SLC41A2: variants seen among roughly 807,000 people sequenced by gnomAD.
SLC41A2 encodes the protein SLC41A1-like 1.
A neutral mutation model predicts 58.3 loss-of-function variants in SLC41A2; 32 were observed. The ratio of observed to expected loss-of-function variants is 0.55; its 90% CI spans 0.41 to 0.74. SLC41A2 has a LOEUF of 0.74. SLC41A2 is among the 30% of genes least tolerant of loss of function. SLC41A2 has a pLI of 0.00. For missense variants in SLC41A2, 514 were observed against 680.6 expected, an observed-to-expected ratio of 0.76 and a Z score of 2.72; for synonymous variants, 190 against 235.0, an observed-to-expected ratio of 0.81 and a Z score of 1.75.
At chr12:104,955,115 AAGCAATTCTCCTGCCTC>A (rs1262794679) in intron 1 of SLC41A2, among the ~76,000 whole-genome samples, 1 of 146,292 alleles carries the variant, frequency 6.8e-6, no homozygotes, top group Non-Finnish European at 1.5e-5. Flanking sequence ...TCCTGGGTTC[AAGCAATTCTCCTGCCTC>A]AGCCTTCTGA....
chr12:104,854,568 A>AAT (rs1555202609), intron 8 of SLC41A2, among the ~76,000 whole-genome samples: 1 of 92,838 alleles, frequency 1.1e-5, no homozygotes, highest in African/African-American at 3.7e-5. Context: ...GTCTCAAAAA[A>AAT]ACAAAAAAAA....
intron 1 of SLC41A2, among the ~76,000 whole-genome samples, chr12:104,934,065 T>TAA (rs11336098): frequency 1.9e-4 from 28 of 145,868 alleles, no homozygotes; most frequent in Non-Finnish European, 3.9e-4. Flanking sequence ...ATAAAGCTAC[T>TAA]AAAAAAAAAA....
At chr12:104,847,640 C>A (rs1441808726) in intron 8 of SLC41A2, among the ~76,000 whole-genome samples, 2 of 140,770 alleles carry the variant, frequency 1.4e-5, no homozygotes, top group Non-Finnish European at 1.5e-5. Context: ...CCTCAAAATA[C>A]ATCAAGAAGC....
rs1565879340 is a variant in SLC41A2 at position 104,892,302 on chromosome 12, A to AT, written c.735+2971_735+2972insA. ...CAGAACAAGACCTCATCTCAAAAAA[A>AT]AAATAAAATAAAATAAAATAAAATA... On this transcript the variant is annotated intron_variant, in intron 4 of 10. Transcript: ENST00000258538. 3.8e-4 allele frequency among the ~76,000 whole-genome samples: 43 copies of AT among 113,924 alleles called. 2 individuals carry two copies. Among genetic ancestry groups the AT allele is most frequent in the African/African-American group, 1.3e-3 (34 of 25,618 alleles). 74.7% of individuals were successfully genotyped at this position (113,924 alleles called of 152,430 possible).
chr12:104,944,870 T>TA (rs60609201), intron 1 of SLC41A2, among the ~76,000 whole-genome samples: 9,816 of 136,040 alleles, frequency 0.072, 669 homozygotes, highest in African/African-American at 0.18. Context: ...GTATTCAATG[T>TA]AAAAAAAAAA....
intron 4 of SLC41A2, 105 bp from the exon 5 acceptor site, chr12:104,889,282 T>C: frequency 8.6e-7 from 1 of 1,161,064 alleles, no homozygotes; most frequent in Non-Finnish European, 1.2e-6. Context: ...AAGTATTGCA[T>C]GTAATAATTG....
intron 4 of SLC41A2, among the ~76,000 whole-genome samples, chr12:104,892,912 T>G (rs999299979): frequency 3.9e-5 from 6 of 152,062 alleles, no homozygotes; most frequent in Non-Finnish European, 7.4e-5. Context: ...ACAAAAACAT[T>G]AGGGGCACTC....
intron 7 of SLC41A2, among the ~76,000 whole-genome samples, chr12:104,865,750 T>C (rs990772236): frequency 2.0e-5 from 3 of 152,202 alleles, no homozygotes; most frequent in African/African-American, 7.2e-5. Context: ...AGGAAATTCA[T>C]ACTCTTTTCT....
intron 3 of SLC41A2, among the ~76,000 whole-genome samples, chr12:104,899,341 G>A (rs1417502920): frequency 1.3e-5 from 2 of 152,138 alleles, no homozygotes; most frequent in East Asian, 3.9e-4. Context: ...ACACTTTTCA[G>A]TTTCTTTCCA....
chr12:104,823,490 A>G (rs1310123879), intron 10 of SLC41A2, among the ~76,000 whole-genome samples: 2 of 152,166 alleles, frequency 1.3e-5, no homozygotes, highest in Non-Finnish European at 2.9e-5. Flanking sequence ...TATATAGTAA[A>G]TTGATTTTTG....
chr12:104,942,964 A>T (rs1333585936), intron 1 of SLC41A2, among the ~76,000 whole-genome samples: 2 of 152,234 alleles, frequency 1.3e-5, no homozygotes, highest in African/African-American at 2.4e-5. Context: ...TTCAGGATTC[A>T]TACAAAAGTA....
intron 10 of SLC41A2, among the ~76,000 whole-genome samples, chr12:104,819,038 G>C (rs1298381277): frequency 6.6e-6 from 1 of 151,948 alleles, no homozygotes; most frequent in Non-Finnish European, 1.5e-5. Context: ...TGATCTAATG[G>C]ATGTATACAG....
rs186251025 is a variant in SLC41A2 at position 104,807,689 on chromosome 12, G to A, written c.1537-2352C>T. Among the ~76,000 whole-genome samples, 87 of 152,172 alleles carry A rather than the reference G, an allele frequency of 5.7e-4. 1 individual carries two copies. The highest frequency in any genetic ancestry group is 2.0e-3 in the African/African-American group (82 of 41,528). On this transcript the variant is annotated intron_variant, in intron 10 of 10. Transcript: ENST00000258538. ...CATTTTCATGATATTGATTCTTCCT[G>A]CCCATGAGCATGGAATGTTCTTCTA...
chr12:104,864,466 T>C (rs996021443), intron 7 of SLC41A2, among the ~76,000 whole-genome samples: 1 of 152,226 alleles, frequency 6.6e-6, no homozygotes, highest in African/African-American at 2.4e-5. Context: ...ATATGTAACT[T>C]ATTTTTTCTC....
At chr12:104,859,572 C>T (rs745523405) in intron 8 of SLC41A2, among the ~76,000 whole-genome samples, 9 of 151,806 alleles carry the variant, frequency 5.9e-5, no homozygotes, top group East Asian at 3.9e-4. Flanking sequence ...GTGTGGGTGA[C>T]GGGGAGAATG....
At chr12:104,911,570 A>C (rs913503406) in intron 2 of SLC41A2, among the ~76,000 whole-genome samples, 6 of 152,250 alleles carry the variant, frequency 3.9e-5, no homozygotes, top group African/African-American at 7.2e-5. Flanking sequence ...AAAAATATAC[A>C]TGTCATGAAT....
intron 4 of SLC41A2, 45 bp from the exon 5 acceptor site, chr12:104,889,222 A>G: frequency 6.5e-7 from 1 of 1,538,490 alleles, no homozygotes; most frequent in Non-Finnish European, 8.8e-7. Context: ...CACTTTAAAA[A>G]CACATTTAAA....
At chr12:104,833,365 C>T (rs1274681006) in intron 10 of SLC41A2, among the ~76,000 whole-genome samples, 1 of 152,212 alleles carries the variant, frequency 6.6e-6, no homozygotes, top group Non-Finnish European at 1.5e-5. Flanking sequence ...AGTAATCATA[C>T]TTCTACAGAT....
At chr12:104,859,181 T>C (rs1018683234) in intron 8 of SLC41A2, among the ~76,000 whole-genome samples, 3 of 152,130 alleles carry the variant, frequency 2.0e-5, no homozygotes, top group African/African-American at 7.2e-5. Context: ...CGCATGTCTT[T>C]GGGAAACAAT....
Sources: gnomAD v4.1 joint callset for allele counts (sites outside exome capture counted in the v4.1 genomes callset) on GRCh38, gnomAD v4.1.1 for gene constraint, MANE v1.5 for transcripts, NCBI Gene and HGNC (gene_info 2026-07-23, HGNC 2026-07-21) for gene names.